Variants in FHIT observed in about 807,000 individuals in gnomAD.
The protein encoded by FHIT is bis(5'-adenosyl)-triphosphatase.
Under a neutral mutation model 17.9 loss-of-function variants are expected in FHIT, and 19 were observed. The observed-to-expected ratio is 1.06, with a 90% CI of 0.74 to 1.56. FHIT has a LOEUF of 1.56. Ranked by LOEUF, FHIT falls within the 40% of genes most tolerant of loss-of-function variation. The pLI, the probability that FHIT is intolerant of heterozygous loss-of-function variation, is 0.00. For missense variants in FHIT, 248 were observed against 189.2 expected (o/e 1.31, Z -1.82); for synonymous variants, 81 against 69.7 (o/e 1.16, Z -0.81).
rs1163527535 is a variant in FHIT, at chr3:60,898,552, A to G, written c.-110-76541T>C. Among the ~76,000 whole-genome samples the G allele has an allele frequency of 7.2e-5, 11 of 152,232 alleles. No individual in the cohort carries two copies. The East Asian group carries it at 2.1e-3, about 29-fold the overall frequency. On this transcript the variant is annotated intron_variant, in intron 3 of 9. Transcript: ENST00000492590. ...ATTTAGCAAGACTAAACAACAGTGT[A>G]AAGTTCTGCAAAAGCACCAGATAAG...
intron 5 of FHIT, among the ~76,000 whole-genome samples, chr3:60,272,829 T>C (rs935574924): frequency 2.0e-5 from 3 of 152,208 alleles, no homozygotes; most frequent in Non-Finnish European, 4.4e-5. Context: ...GATACTGTGA[T>C]TTTGAGAATG....
intron 5 of FHIT, among the ~76,000 whole-genome samples, chr3:60,449,007 T>A (rs2031536043): frequency 6.6e-6 from 1 of 152,172 alleles, no homozygotes; most frequent in African/African-American, 2.4e-5. Context: ...TCTGCTCTTT[T>A]CCACAAGTTT....
At chr3:61,247,104 T>C (rs963002581) in intron 1 of FHIT, among the ~76,000 whole-genome samples, 1 of 148,212 alleles carries the variant, frequency 6.7e-6, no homozygotes, top group Non-Finnish European at 1.5e-5. Context: ...CCCCATTTAC[T>C]GCTCTCACCA....
At chr3:60,700,129 TC>T (rs2041210690) in intron 4 of FHIT, among the ~76,000 whole-genome samples, 1 of 38,970 alleles carries the variant, frequency 2.6e-5, no homozygotes, top group African/African-American at 6.1e-5. Flanking sequence ...AGAGTCTGTC[TC>T]AAAAAAAAAA....
chr3:60,609,011 C>T (rs186539986), intron 4 of FHIT, among the ~76,000 whole-genome samples: 65 of 144,990 alleles, frequency 4.5e-4, no homozygotes, highest in African/African-American at 1.3e-3. Context: ...ATGCTGGTCA[C>T]GCACAATTTG....
chr3:60,424,970 C>T (rs1702609899), intron 5 of FHIT, among the ~76,000 whole-genome samples: 2 of 152,124 alleles, frequency 1.3e-5, no homozygotes, highest in Non-Finnish European at 1.5e-5. Context: ...ATCCTATCTT[C>T]CCTTTAACAT....
chr3:60,785,378 G>C (rs781805357), intron 4 of FHIT, among the ~76,000 whole-genome samples: 18 of 152,232 alleles, frequency 1.2e-4, no homozygotes, highest in Admixed American at 4.6e-4. Context: ...TCTGCAGACC[G>C]GTGGAAGTCC....
intron 3 of FHIT, among the ~76,000 whole-genome samples, chr3:60,989,763 A>G (rs1450598328): frequency 6.6e-6 from 1 of 152,086 alleles, no homozygotes; most frequent in Non-Finnish European, 1.5e-5. Context: ...GGTTATTGCT[A>G]CAGTGTTTAA....
chr3:61,044,140 G>A (rs558107676), intron 2 of FHIT, among the ~76,000 whole-genome samples: 3 of 152,304 alleles, frequency 2.0e-5, no homozygotes, highest in South Asian at 2.1e-4. Flanking sequence ...TGAATTTGAC[G>A]AGTTGAGAGA....
At position 61,110,218 on chromosome 3, in the gene FHIT, C is replaced by T. The variant is rs79957539; in HGVS notation, c.-163-68119G>A. ...CGCTTTTCTCTTGCCCTGCTTTGTACTCTTCCTTCCAGCCCACAGGCCTCC... is the reference window on the plus strand; with the variant it reads ...CGCTTTTCTCTTGCCCTGCTTTGTATTCTTCCTTCCAGCCCACAGGCCTCC... On this transcript the variant is annotated intron_variant, in intron 2 of 9. Coordinates refer to ENST00000492590, the MANE Select transcript of FHIT (RefSeq NM_002012.4). 1.1e-4 allele frequency among the ~76,000 whole-genome samples: 17 copies of T among 152,290 alleles called. No homozygotes were observed. The East Asian group carries it at 3.1e-3, about 28-fold the overall frequency.
intron 5 of FHIT, among the ~76,000 whole-genome samples, chr3:60,375,766 T>A (rs1210616812): frequency 6.6e-6 from 1 of 152,066 alleles, no homozygotes; most frequent in Non-Finnish European, 1.5e-5. Context: ...CCTGCTCAGA[T>A]ATCATATCTA....
At chr3:60,354,110 C>G (rs995748931) in intron 5 of FHIT, among the ~76,000 whole-genome samples, 7 of 151,952 alleles carry the variant, frequency 4.6e-5, no homozygotes, top group African/African-American at 1.7e-4. Flanking sequence ...ACAATAGACT[C>G]CTATGCTATA....
intron 4 of FHIT, among the ~76,000 whole-genome samples, chr3:60,772,314 CTATATA>C (rs61056807): frequency 1.1e-3 from 161 of 143,338 alleles, no homozygotes; most frequent in East Asian, 3.6e-3. Flanking sequence ...CACTTCTCAT[CTATATA>C]TATATATATA....
chr3:60,861,959 AG>A (rs1553752751), intron 3 of FHIT, among the ~76,000 whole-genome samples: 1 of 151,250 alleles, frequency 6.6e-6, no homozygotes, highest in Non-Finnish European at 1.5e-5. Context: ...AAAAAAAAAA[AG>A]GCCGGTTTGA....
intron 5 of FHIT, among the ~76,000 whole-genome samples, chr3:60,416,547 A>G (rs1702254582): frequency 6.6e-6 from 1 of 152,220 alleles, no homozygotes. Context: ...GTGTTTTAAT[A>G]AAATTTTATT....
chr3:59,778,149 T>C (rs968430829), intron 8 of FHIT, among the ~76,000 whole-genome samples: 11 of 152,226 alleles, frequency 7.2e-5, no homozygotes, highest in Non-Finnish European at 1.5e-4. Context: ...CCTGGAACTT[T>C]ATCAGGGATC....
chr3:60,049,453 G>T lies in FHIT; in HGVS notation c.104-35301C>A, dbSNP rs1400005468. On this transcript the variant is annotated intron_variant, in intron 5 of 9. Coordinates refer to ENST00000492590, the MANE Select transcript of FHIT (RefSeq NM_002012.4). ...TTAAATATTTTTGGAATATCTTGAT[G>T]AATCTTCTTTTTTCAGTTGTACATT... Among the ~76,000 whole-genome samples the T allele has an allele frequency of 3.9e-5, 5 of 129,852 alleles. No individual in the cohort carries two copies. In the East Asian group the frequency reaches 1.0e-3, roughly 26 times the overall value. 85.2% of individuals were successfully genotyped at this position (129,852 alleles called of 152,430 possible).
chr3:60,154,991 A>G (rs1700618378), intron 5 of FHIT, among the ~76,000 whole-genome samples: 2 of 152,032 alleles, frequency 1.3e-5, no homozygotes, highest in African/African-American at 2.4e-5. Context: ...CTTGAGCCTA[A>G]GAGTTTGAGA....
intron 4 of FHIT, among the ~76,000 whole-genome samples, chr3:60,537,218 C>T (rs986622233): frequency 6.6e-6 from 1 of 152,026 alleles, no homozygotes; most frequent in African/African-American, 2.4e-5. Context: ...GAAGCTTCCA[C>T]GTGGACAATA....
Sources: allele counts gnomAD v4.1 joint callset (sites outside exome capture counted in the v4.1 genomes callset), GRCh38; gene constraint gnomAD v4.1.1; transcripts MANE v1.5; gene names NCBI Gene and HGNC (gene_info 2026-07-23, HGNC 2026-07-21).